Variants in CNTNAP5 observed in about 807,000 individuals in gnomAD.
CNTNAP5 encodes the protein contactin associated protein family member 5.
In CNTNAP5, 72 loss-of-function variants were observed where a neutral mutation model predicts 150.2. The observed-to-expected ratio is 0.48, with a 90% CI of 0.40 to 0.58. CNTNAP5 has a LOEUF of 0.58. CNTNAP5 is among the 20% of genes least tolerant of loss of function. The pLI, the probability that CNTNAP5 is intolerant of heterozygous loss-of-function variation, is 0.00. For missense variants in CNTNAP5, 1,636 were observed against 1,626.2 expected, an observed-to-expected ratio of 1.01 and a Z score of -0.10; for synonymous variants, 672 against 619.8, an observed-to-expected ratio of 1.08 and a Z score of -1.25.
At chr2:124,601,200 G>A (rs1364308091) in intron 11 of CNTNAP5, among the ~76,000 whole-genome samples, 3 of 152,160 alleles carry the variant, frequency 2.0e-5, no homozygotes, top group Non-Finnish European at 2.9e-5. Flanking sequence ...TGAAAATGGG[G>A]TAAGGTATGA....
At position 124,343,396 on chromosome 2, in the gene CNTNAP5, G is replaced by T. The variant is rs562592277; in HGVS notation, c.382-74047G>T. Among the ~76,000 whole-genome samples the T allele has an allele frequency of 3.9e-5, 6 of 152,138 alleles. No individual in the cohort carries two copies. In the South Asian group the frequency reaches 8.3e-4, roughly 21 times the overall value. On this transcript the variant is annotated intron_variant, in intron 3 of 23. Transcript: ENST00000682447. ...TTTAACATATTGGATAAGCCTCATT[G>T]GTTTAATATCTTTTTAGGGGGAATT...
At chr2:124,852,550 G>T (rs1043585643) in intron 19 of CNTNAP5, among the ~76,000 whole-genome samples, 5 of 152,198 alleles carry the variant, frequency 3.3e-5, no homozygotes, top group African/African-American at 1.2e-4. Flanking sequence ...CCATGTCAAA[G>T]AATTTGGATT....
intron 18 of CNTNAP5, among the ~76,000 whole-genome samples, chr2:124,794,215 G>A (rs1005043279): frequency 2.6e-5 from 4 of 152,146 alleles, no homozygotes; most frequent in Non-Finnish European, 1.5e-5. Context: ...AAATCGTGGA[G>A]CTCTGGCACC....
At chr2:124,084,838 A>C (rs1573742271) in intron 1 of CNTNAP5, among the ~76,000 whole-genome samples, 1 of 150,834 alleles carries the variant, frequency 6.6e-6, no homozygotes, top group Non-Finnish European at 1.5e-5. Context: ...TTTATCTTGA[A>C]TTGTTTTGTA....
chr2:124,449,838 C>T (rs999234715), intron 6 of CNTNAP5, among the ~76,000 whole-genome samples: 3 of 152,068 alleles, frequency 2.0e-5, no homozygotes, highest in Non-Finnish European at 2.9e-5. Context: ...ACAAGAGTTA[C>T]GTGTCAAGAG....
At chr2:124,894,250 A>AT (rs932740905) in intron 21 of CNTNAP5, among the ~76,000 whole-genome samples, 6 of 147,552 alleles carry the variant, frequency 4.1e-5, no homozygotes, top group African/African-American at 1.6e-4. Flanking sequence ...TGGCTTTTAC[A>AT]TTTTTTTGGT....
chr2:124,300,642 G>C (rs1345580558), intron 3 of CNTNAP5, among the ~76,000 whole-genome samples: 1 of 152,178 alleles, frequency 6.6e-6, no homozygotes, highest in East Asian at 1.9e-4. Flanking sequence ...GCACTGGCAG[G>C]CCACATGGAA....
At chr2:124,393,902 A>G (rs947935509) in intron 3 of CNTNAP5, among the ~76,000 whole-genome samples, 1 of 152,218 alleles carries the variant, frequency 6.6e-6, no homozygotes, top group African/African-American at 2.4e-5. Context: ...TATACGAATG[A>G]ACAACACTGT....
chr2:124,913,289 C>T (rs1274562682), intron 23 of CNTNAP5, among the ~76,000 whole-genome samples: 1 of 152,046 alleles, frequency 6.6e-6, no homozygotes, highest in East Asian at 1.9e-4. Context: ...GACACATCTG[C>T]CGCTTCCATG....
chr2:124,176,649 T>G (rs1241974661), intron 1 of CNTNAP5, among the ~76,000 whole-genome samples: 2 of 152,068 alleles, frequency 1.3e-5, no homozygotes, highest in Non-Finnish European at 2.9e-5. Flanking sequence ...CAAACTTTGA[T>G]TGGACAAATA....
intron 3 of CNTNAP5, among the ~76,000 whole-genome samples, chr2:124,416,936 C>CTTT (rs70996064): frequency 1.8e-4 from 19 of 106,592 alleles, no homozygotes; most frequent in South Asian, 3.5e-4. Context: ...AGAGGGATTT[C>CTTT]TTTTTTTTTT....
intron 2 of CNTNAP5, among the ~76,000 whole-genome samples, chr2:124,227,025 A>G (rs896231743): frequency 1.3e-5 from 2 of 152,074 alleles, no homozygotes; most frequent in Non-Finnish European, 2.9e-5. Context: ...TACGGGCTGC[A>G]CCTCTCAATA....
At chr2:124,200,781 A>G (rs1685710875) in intron 1 of CNTNAP5, among the ~76,000 whole-genome samples, 1 of 152,186 alleles carries the variant, frequency 6.6e-6, no homozygotes. Context: ...CCCAGTCCAG[A>G]GGCACAAATT....
intron 2 of CNTNAP5, among the ~76,000 whole-genome samples, chr2:124,240,824 G>T (rs1686867506): frequency 6.6e-6 from 1 of 152,074 alleles, no homozygotes; most frequent in African/African-American, 2.4e-5. Context: ...CTATCACTCT[G>T]TCTGCATTGC....
intron 3 of CNTNAP5, among the ~76,000 whole-genome samples, chr2:124,377,692 A>G (rs370851021): frequency 1.9e-5 from 2 of 107,974 alleles, no homozygotes; most frequent in African/African-American, 3.6e-5. Context: ...GAAAAAAAAA[A>G]GAAAAAAAAA....
At chr2:124,543,078 A>G (rs1275107092) in intron 10 of CNTNAP5, among the ~76,000 whole-genome samples, 1 of 152,190 alleles carries the variant, frequency 6.6e-6, no homozygotes, top group Non-Finnish European at 1.5e-5. Flanking sequence ...ATACTGCTCT[A>G]TTTGAATAGC....
At chr2:124,278,524 T>C (rs1473848172) in intron 3 of CNTNAP5, among the ~76,000 whole-genome samples, 1 of 152,106 alleles carries the variant, frequency 6.6e-6, no homozygotes, top group Admixed American at 6.6e-5. Flanking sequence ...AGTCAGTGAG[T>C]TCAACATTTT....
intron 1 of CNTNAP5, among the ~76,000 whole-genome samples, chr2:124,152,188 G>A (rs1317438624): frequency 6.6e-6 from 1 of 152,056 alleles, no homozygotes. Context: ...GGTAAAACAG[G>A]GCTTGTCTGA....
chr2:124,379,187 C>T (rs1366649581), intron 3 of CNTNAP5, among the ~76,000 whole-genome samples: 9 of 151,578 alleles, frequency 5.9e-5, no homozygotes, highest in East Asian at 3.9e-4. Flanking sequence ...ATCATTATCA[C>T]GCAGAGTTCA....
Sources: gnomAD v4.1 joint callset for allele counts (sites outside exome capture counted in the v4.1 genomes callset) on GRCh38, gnomAD v4.1.1 for gene constraint, MANE v1.5 for transcripts, NCBI Gene and HGNC (gene_info 2026-07-23, HGNC 2026-07-21) for gene names.